SLC9A6: variants seen among roughly 807,000 people sequenced by gnomAD.
SLC9A6 encodes the protein sodium/hydrogen exchanger 6.
A neutral mutation model predicts 45.3 loss-of-function variants in SLC9A6; 6 were observed. The observed-to-expected ratio is 0.13, with a 90% CI of 0.07 to 0.26. The LOEUF (loss-of-function observed/expected upper bound fraction) is 0.26. SLC9A6 is among the 10% of genes least tolerant of loss of function. The pLI, the probability that SLC9A6 is intolerant of heterozygous loss-of-function variation, is 1.00. For missense variants in SLC9A6, 278 were observed against 503.7 expected (o/e 0.55, Z 4.29); for synonymous variants, 191 against 187.7 (o/e 1.02, Z -0.14).
At chrX:136,019,579 T>C (rs781919210) in intron 11 of SLC9A6, among the ~76,000 whole-genome samples, 2 of 112,749 alleles carry the variant, frequency 1.8e-5, no homozygotes, top group East Asian at 5.5e-4. Context: ...GGTTACATTT[T>C]CTTTTCTTTT....
intron 10 of SLC9A6, 147 bp downstream of exon 10, chrX:136,013,584 G>T (rs1165926379): frequency 2.4e-6 from 1 of 418,919 alleles, no homozygotes. Flanking sequence ...TCTAAAAGTA[G>T]GTGGGATTGG....
At chrX:136,038,215 T>C (rs1455322934) in intron 16 of SLC9A6, among the ~76,000 whole-genome samples, 1 of 112,113 alleles carries the variant, frequency 8.9e-6, no homozygotes, top group Non-Finnish European at 1.9e-5. Context: ...CTTTTATTTC[T>C]AGTCTGCTGA....
At chrX:136,005,134 TA>T (rs2089638255) in intron 7 of SLC9A6, among the ~76,000 whole-genome samples, 1 of 112,458 alleles carries the variant, frequency 8.9e-6, no homozygotes, top group African/African-American at 3.2e-5. Flanking sequence ...GGTCTTATCT[TA>T]AACTGATGTG....
intron 11 of SLC9A6, among the ~76,000 whole-genome samples, chrX:136,018,781 GT>G (rs2071069450): frequency 9.1e-6 from 1 of 109,379 alleles, no homozygotes; most frequent in Admixed American, 9.7e-5. Flanking sequence ...AAAGAGATTA[GT>G]GGAAGTTTTT....
chrX:136,005,110 A>G (rs1052671581), intron 7 of SLC9A6, among the ~76,000 whole-genome samples: 1 of 112,055 alleles, frequency 8.9e-6, no homozygotes, highest in Non-Finnish European at 1.9e-5. Flanking sequence ...TAAGAGTTAG[A>G]AAATCTCTGT....
At chrX:135,990,894 A>C (rs1233789239) in intron 2 of SLC9A6, among the ~76,000 whole-genome samples, 1 of 112,053 alleles carries the variant, frequency 8.9e-6, no homozygotes, top group African/African-American at 3.2e-5. Flanking sequence ...TTGCATGTAA[A>C]TATAAGAGGA....
At chrX:135,995,096 T>C in intron 3 of SLC9A6, 111 bp downstream of exon 3, 1 of 515,041 alleles carries the variant, frequency 1.9e-6, no homozygotes, top group Non-Finnish European at 3.3e-6. Flanking sequence ...AATGAGTCTT[T>C]TTCAATGGAG....
intron 3 of SLC9A6, among the ~76,000 whole-genome samples, chrX:135,996,275 A>G (rs1240596322): frequency 9.2e-6 from 1 of 108,481 alleles, no homozygotes; most frequent in African/African-American, 3.4e-5. Context: ...CAGGCGAACC[A>G]CCCACCTCAG....
intron 1 of SLC9A6, among the ~76,000 whole-genome samples, chrX:135,976,992 C>G (rs971628648): frequency 3.6e-5 from 4 of 111,996 alleles, no homozygotes; most frequent in African/African-American, 9.8e-5. Context: ...AGATTCCAAC[C>G]TGAAGGGAAG....
chrX:136,012,521 A>G (rs1434961297), intron 8 of SLC9A6, among the ~76,000 whole-genome samples: 16 of 112,973 alleles, frequency 1.4e-4, no homozygotes, highest in African/African-American at 4.5e-4. Context: ...ATATCATAGA[A>G]GTGGTAGAGG....
At chrX:135,975,483 T>C (rs782723386) in intron 1 of SLC9A6, among the ~76,000 whole-genome samples, 3 of 112,473 alleles carry the variant, frequency 2.7e-5, no homozygotes, top group South Asian at 7.3e-4. Context: ...ACATACTATA[T>C]AATTTAACTA....
At chrX:135,992,944 C>T (rs1273531185) in intron 2 of SLC9A6, among the ~76,000 whole-genome samples, 2 of 111,468 alleles carry the variant, frequency 1.8e-5, no homozygotes, top group Non-Finnish European at 3.8e-5. Context: ...CACTCATTCA[C>T]GTATTAAAAG....
intron 7 of SLC9A6, among the ~76,000 whole-genome samples, chrX:136,002,507 G>A (rs957409214): frequency 4.5e-5 from 5 of 110,634 alleles, no homozygotes; most frequent in Non-Finnish European, 7.6e-5. Context: ...TTTTGTATTC[G>A]GTTTTAACAT....
intron 1 of SLC9A6, among the ~76,000 whole-genome samples, chrX:135,980,006 T>G (rs1418447207): frequency 8.9e-6 from 1 of 111,841 alleles, no homozygotes; most frequent in Non-Finnish European, 1.9e-5. Flanking sequence ...CCTCAAGTGA[T>G]CTGCCCACCT....
intron 13 of SLC9A6, among the ~76,000 whole-genome samples, chrX:136,025,299 A>C (rs782479006): frequency 8.9e-6 from 1 of 112,843 alleles, no homozygotes; most frequent in African/African-American, 3.2e-5. Context: ...ACAGCAGCCT[A>C]TGCTGCTAAA....
intron 7 of SLC9A6, among the ~76,000 whole-genome samples, chrX:136,006,328 G>A (rs2089654835): frequency 9.2e-6 from 1 of 108,381 alleles, no homozygotes; most frequent in Non-Finnish European, 1.9e-5. Context: ...TTTATTTTAA[G>A]TTCAAGGGTA....
At chrX:136,013,822 A>G (rs2070968255) in intron 10 of SLC9A6, among the ~76,000 whole-genome samples, 1 of 112,371 alleles carries the variant, frequency 8.9e-6, no homozygotes, top group South Asian at 3.7e-4. Context: ...ACCTACTAAG[A>G]GATGACATAA....
At chrX:136,005,167 A>G (rs1321823976) in intron 7 of SLC9A6, among the ~76,000 whole-genome samples, 7 of 112,323 alleles carry the variant, frequency 6.2e-5, no homozygotes, top group Admixed American at 5.7e-4. Flanking sequence ...AGTTTTTCCT[A>G]TTAATAAAAT....
chrX:135,981,339 C>T (rs2089284684), upstream of SLC9A6, among the ~76,000 whole-genome samples: 1 of 111,026 alleles, frequency 9.0e-6, no homozygotes, highest in Non-Finnish European at 1.9e-5. Flanking sequence ...AGAACGCACT[C>T]ACTATCACAA....
Sources: gnomAD v4.1 joint callset for allele counts (sites outside exome capture counted in the v4.1 genomes callset) on GRCh38, gnomAD v4.1.1 for gene constraint, MANE v1.5 for transcripts, NCBI Gene and HGNC (gene_info 2026-07-23, HGNC 2026-07-21) for gene names.